CSMD1: variants seen among roughly 807,000 people sequenced by gnomAD.
CSMD1 encodes the protein CUB and Sushi multiple domains 1.
In CSMD1, 213 loss-of-function variants were observed where a neutral mutation model predicts 417.5. The ratio of observed to expected loss-of-function variants is 0.51; its 90% CI spans 0.46 to 0.57. CSMD1 has a LOEUF of 0.57. Among genes scored for constraint, CSMD1 ranks in the 20% least tolerant of loss-of-function variants. CSMD1 has a pLI of 0.00. For synonymous variants in CSMD1, 2,862 were observed against 1,736.8 expected, an observed-to-expected ratio of 1.65 and a Z score of -16.11; for missense variants, 6,923 against 4,529.7, an observed-to-expected ratio of 1.53 and a Z score of -15.17.
At chr8:3,126,584 A>G (rs1386141514) in intron 41 of CSMD1, among the ~76,000 whole-genome samples, 1 of 152,192 alleles carries the variant, frequency 6.6e-6, no homozygotes, top group African/African-American at 2.4e-5. Flanking sequence ...TCCCAAGTGC[A>G]CACATACAGA....
intron 26 of CSMD1, among the ~76,000 whole-genome samples, chr8:3,244,371 C>G (rs745435668): frequency 5.3e-5 from 8 of 152,224 alleles, no homozygotes; most frequent in Middle Eastern, 3.4e-3. Context: ...AAACCTAGGA[C>G]GTGTCCTCCC....
intron 10 of CSMD1, among the ~76,000 whole-genome samples, chr8:3,505,363 G>C (rs1280316742): frequency 2.0e-5 from 3 of 152,098 alleles, no homozygotes; most frequent in East Asian, 1.9e-4. Flanking sequence ...GAAAATTATA[G>C]ATCACTACAT....
At chr8:4,243,211 T>C (rs1019127905) in intron 3 of CSMD1, among the ~76,000 whole-genome samples, 3 of 152,000 alleles carry the variant, frequency 2.0e-5, no homozygotes, top group South Asian at 2.1e-4. Context: ...GGCAGAGCGA[T>C]TGGCTATTAG....
At position 3,879,150 on chromosome 8, in the gene CSMD1, T is replaced by C. The variant is rs575473816; in HGVS notation, c.818+118753A>G. On this transcript the variant is annotated intron_variant, in intron 5 of 69. Transcript: ENST00000635120. ...AACAATCATTTTGTTTTATTAGTAC[T>C]ATCAAAGCCTGGAGCAGGTGGTGGT... 4.6e-5 allele frequency among the ~76,000 whole-genome samples: 7 copies of C among 152,304 alleles called. No homozygotes were observed. In the South Asian group the frequency reaches 1.0e-3, roughly 23 times the overall value.
At chr8:4,380,890 A>G (rs561938710) in intron 3 of CSMD1, among the ~76,000 whole-genome samples, 2 of 152,166 alleles carry the variant, frequency 1.3e-5, no homozygotes, top group Non-Finnish European at 2.9e-5. Context: ...TATTTTAGGT[A>G]GTAATAATAT....
intron 1 of CSMD1, among the ~76,000 whole-genome samples, chr8:4,665,534 G>A (rs1238436289): frequency 6.6e-6 from 1 of 152,166 alleles, no homozygotes; most frequent in Non-Finnish European, 1.5e-5. Context: ...CCCAGAGGGT[G>A]GCAGCTGGTT....
intron 3 of CSMD1, among the ~76,000 whole-genome samples, chr8:4,109,867 G>C (rs906732458): frequency 6.6e-6 from 1 of 152,150 alleles, no homozygotes; most frequent in Non-Finnish European, 1.5e-5. Context: ...GTCCAAGACA[G>C]TCATTGTGCT....
chr8:3,034,699 G>C (rs899744040), intron 50 of CSMD1, among the ~76,000 whole-genome samples: 3 of 152,094 alleles, frequency 2.0e-5, no homozygotes, highest in Non-Finnish European at 4.4e-5. Flanking sequence ...TTCTTACTTT[G>C]TTATTTCTTC....
chr8:4,218,377 C>T (rs1032586086), intron 3 of CSMD1, among the ~76,000 whole-genome samples: 1 of 152,132 alleles, frequency 6.6e-6, no homozygotes, highest in African/African-American at 2.4e-5. Flanking sequence ...TAATGATTTT[C>T]TTTAAACTTT....
intron 62 of CSMD1, among the ~76,000 whole-genome samples, chr8:2,960,455 T>C (rs935901655): frequency 1.3e-5 from 2 of 152,220 alleles, no homozygotes; most frequent in Admixed American, 6.5e-5. Context: ...GTTTTCAAAG[T>C]CATCCAACCA....
chr8:3,274,403 T>C (rs1260790616), intron 26 of CSMD1, among the ~76,000 whole-genome samples: 5 of 152,318 alleles, frequency 3.3e-5, no homozygotes, highest in Admixed American at 6.5e-5. Flanking sequence ...ATGTATATTC[T>C]GTTGATTTGG....
intron 2 of CSMD1, among the ~76,000 whole-genome samples, chr8:4,455,667 A>T (rs917917317): frequency 6.6e-6 from 1 of 151,842 alleles, no homozygotes; most frequent in African/African-American, 2.4e-5. Context: ...ACAGTGGCTC[A>T]CCCCTGTAAT....
rs1350711907 is a variant in CSMD1, at chr8:3,096,858, C to T, written c.7129G>A (p.Val2377Met). ...QSEKQFDALE[V>M]FDGSSGQSPL... The stretch of plus-strand genomic sequence containing the variant: ...GATTAAAGAAACTTACCATCAAACA[C>T]TTCCAGTGCATCAAACTGCTTTTCA... Residue 2377 changes from valine (V) to methionine (M), a missense_variant, in exon 47 of 70, where the codon GTG (valine) becomes ATG (methionine). Val to Met is a conservative substitution (Grantham distance 21). Transcript: ENST00000635120. The T allele has an allele frequency of 6.4e-7, 1 of 1,551,810 alleles. No homozygotes were observed. Among genetic ancestry groups the T allele is most frequent in the Non-Finnish European group, 8.7e-7 (1 of 1,146,410 alleles).
intron 42 of CSMD1, among the ~76,000 whole-genome samples, chr8:3,115,295 G>A (rs937007512): frequency 6.9e-6 from 1 of 144,024 alleles, no homozygotes; most frequent in Non-Finnish European, 1.5e-5. Context: ...TCCGCCTTCT[G>A]CGTTCAAGTG....
At chr8:3,565,548 C>A (rs1373945248) in intron 10 of CSMD1, among the ~76,000 whole-genome samples, 2 of 152,070 alleles carry the variant, frequency 1.3e-5, no homozygotes, top group Non-Finnish European at 2.9e-5. Context: ...CTATGTTAAC[C>A]TTTTAATACT....
At chr8:3,047,470 C>G (rs1032098960) in intron 50 of CSMD1, among the ~76,000 whole-genome samples, 1 of 152,162 alleles carries the variant, frequency 6.6e-6, no homozygotes. Flanking sequence ...CCTGATGCCC[C>G]ATTCAGAGCA....
At chr8:3,608,856 C>A (rs1161233845) in intron 8 of CSMD1, among the ~76,000 whole-genome samples, 1 of 152,064 alleles carries the variant, frequency 6.6e-6, no homozygotes, top group Non-Finnish European at 1.5e-5. Flanking sequence ...CATGACACAC[C>A]CCTTGCAGTG....
At chr8:3,375,186 C>T (rs1355101537) in intron 18 of CSMD1, 10 of 152,136 alleles carry the variant, frequency 6.6e-5, no homozygotes, top group Non-Finnish European at 7.3e-5. Flanking sequence ...CCAGGTTTCT[C>T]GGGATGTCAC....
intron 5 of CSMD1, among the ~76,000 whole-genome samples, chr8:3,964,853 C>T (rs980721471): frequency 4.6e-5 from 7 of 152,112 alleles, no homozygotes; most frequent in African/African-American, 1.7e-4. Flanking sequence ...GTGGGGTTTC[C>T]ACTTTTGAAA....
Sources: allele counts gnomAD v4.1 joint callset (sites outside exome capture counted in the v4.1 genomes callset), GRCh38; gene constraint gnomAD v4.1.1; transcripts MANE v1.5; gene names NCBI Gene and HGNC (gene_info 2026-07-23, HGNC 2026-07-21).